FAR2: variants seen among roughly 807,000 people sequenced by gnomAD.
The protein encoded by FAR2 is fatty acyl-CoA reductase 2, also known as epididymis secretory protein Li 81.
Under a neutral mutation model 56.0 loss-of-function variants are expected in FAR2, and 19 were observed. That is an observed-to-expected ratio of 0.34 (90% confidence interval 0.24 to 0.50). The LOEUF is 0.50. Among genes scored for constraint, FAR2 ranks in the 20% least tolerant of loss-of-function variants. The pLI is 0.98. For synonymous variants in FAR2, 219 were observed against 218.8 expected (o/e 1.00, Z -0.01); for missense variants, 508 against 642.2 (o/e 0.79, Z 2.26).
chr12:29,333,355 A>C, intron 11 of FAR2: 1 of 358,346 alleles, frequency 2.8e-6, no homozygotes, highest in Admixed American at 4.4e-5. Context: ...TAACATGACC[A>C]AAGTATATTT....
At chr12:29,149,993 C>CG (rs1448954792) in intron 1 of FAR2, among the ~76,000 whole-genome samples, 1 of 152,176 alleles carries the variant, frequency 6.6e-6, no homozygotes, top group Non-Finnish European at 1.5e-5. Flanking sequence ...TGGGCCTCGC[C>CG]GGGGTCGTGG....
At chr12:29,232,821 G>GCGCACACACACACACACA (rs71444325) in intron 1 of FAR2, among the ~76,000 whole-genome samples, 9 of 145,856 alleles carry the variant, frequency 6.2e-5, no homozygotes, top group African/African-American at 2.3e-4. Context: ...ACGCGCTCGC[G>GCGCACACACACACACACA]CACACACACA....
At chr12:29,217,984 AGAGGAGGAG>A (rs143213052) in intron 1 of FAR2, among the ~76,000 whole-genome samples, 1 of 151,298 alleles carries the variant, frequency 6.6e-6, no homozygotes, top group Non-Finnish European at 1.5e-5. Context: ...AAGAAGACAA[AGAGGAGGAG>A]GAGGAGGAGG....
At chr12:29,218,926 C>G (rs1237846875) in intron 1 of FAR2, among the ~76,000 whole-genome samples, 1 of 152,078 alleles carries the variant, frequency 6.6e-6, no homozygotes, top group Non-Finnish European at 1.5e-5. Flanking sequence ...GGGTCTTGCT[C>G]TGTCGCCCAG....
At position 29,221,152 on chromosome 12, in the gene FAR2, C is replaced by G. The variant is rs865845412; in HGVS notation, c.-38-49260C>G. Among the ~76,000 whole-genome samples, 898 of 152,214 alleles carry G rather than the reference C, an allele frequency of 5.9e-3. 9 individuals are homozygous for G. The highest frequency in any genetic ancestry group is 0.021 in the African/African-American group (855 of 41,528). On this transcript the variant is annotated intron_variant, in intron 1 of 11. Transcript: ENST00000536681. Reference sequence around the variant, plus strand: ...TAAGGTCATATACCCGTAAAATCAGCCGCTTTACCTCTTAGTGCGCATGCT... The same window carrying G: ...TAAGGTCATATACCCGTAAAATCAGGCGCTTTACCTCTTAGTGCGCATGCT...
chr12:29,217,984 AGAGGAG>A (rs143213052), intron 1 of FAR2, among the ~76,000 whole-genome samples: 6 of 151,298 alleles, frequency 4.0e-5, no homozygotes, highest in Non-Finnish European at 5.9e-5. Context: ...AAGAAGACAA[AGAGGAG>A]GAGGAGGAGG....
chr12:29,282,900 T>C (rs1948809528), intron 2 of FAR2, among the ~76,000 whole-genome samples: 2 of 152,162 alleles, frequency 1.3e-5, no homozygotes, highest in South Asian at 4.1e-4. Flanking sequence ...TTCTTTCTTA[T>C]TACTAAGTTT....
At chr12:29,181,066 A>G (rs1949987505) in intron 1 of FAR2, among the ~76,000 whole-genome samples, 1 of 152,134 alleles carries the variant, frequency 6.6e-6, no homozygotes, top group African/African-American at 2.4e-5. Flanking sequence ...ACTTATCTGC[A>G]AAATATAGAA....
intron 2 of FAR2, among the ~76,000 whole-genome samples, chr12:29,291,054 G>A (rs1201942419): frequency 6.6e-6 from 1 of 152,130 alleles, no homozygotes; most frequent in Non-Finnish European, 1.5e-5. Flanking sequence ...CCTTCTCCAT[G>A]ATGTGCTTAT....
At chr12:29,299,330 A>G (rs1361004767) in intron 4 of FAR2, among the ~76,000 whole-genome samples, 2 of 152,058 alleles carry the variant, frequency 1.3e-5, no homozygotes, top group African/African-American at 4.8e-5. Flanking sequence ...ATATCCAGAC[A>G]CTAAATACCC....
chr12:29,181,340 G>T (rs535286722), intron 1 of FAR2, among the ~76,000 whole-genome samples: 80 of 152,256 alleles, frequency 5.3e-4, no homozygotes, highest in African/African-American at 1.9e-3. Flanking sequence ...TAAGAATTAA[G>T]AAGATTTTTG....
chr12:29,268,003 T>A (rs1426728500), intron 1 of FAR2, among the ~76,000 whole-genome samples: 3 of 152,220 alleles, frequency 2.0e-5, no homozygotes, highest in African/African-American at 4.8e-5. Flanking sequence ...GAGTCTGGAA[T>A]GGTAGGTGCT....
chr12:29,181,560 A>G (rs1496212), intron 1 of FAR2, among the ~76,000 whole-genome samples: 99,705 of 147,158 alleles, frequency 0.68, 34,445 homozygotes, highest in Non-Finnish European at 0.78. Flanking sequence ...TTCACAGAGA[A>G]GATGCAAGAC....
intron 1 of FAR2, among the ~76,000 whole-genome samples, chr12:29,228,546 T>C (rs778304417): frequency 6.6e-6 from 1 of 152,016 alleles, no homozygotes. Flanking sequence ...AGTACAGATG[T>C]CCCTTACTGA....
intron 4 of FAR2, among the ~76,000 whole-genome samples, chr12:29,297,678 T>C (rs1949093609): frequency 6.6e-6 from 1 of 151,846 alleles, no homozygotes; most frequent in Admixed American, 6.6e-5. Flanking sequence ...AGTTGTGAGG[T>C]TGAAAAAAGT....
At chr12:29,257,814 C>T (rs1286964125) in intron 1 of FAR2, among the ~76,000 whole-genome samples, 1 of 152,158 alleles carries the variant, frequency 6.6e-6, no homozygotes, top group African/African-American at 2.4e-5. Context: ...CCTTTAAGAA[C>T]TGTAACACTC....
rs138540837 is a variant in FAR2, at chr12:29,168,594, C to T, written c.-39+19187C>T. Among the ~76,000 whole-genome samples the T allele has an allele frequency of 2.2e-3, 336 of 152,274 alleles. 2 individuals carry two copies. Among genetic ancestry groups the T allele is most frequent in the South Asian group, 6.8e-3 (33 of 4,820 alleles). On this transcript the variant is annotated intron_variant, in intron 1 of 11. Transcript: ENST00000536681. The stretch of plus-strand genomic sequence containing the variant: ...TCAAGAATGAAGCCGCGGACCTTCG[C>T]GGTGAGTGTTACAGCTCTTAAGGAT...
intron 1 of FAR2, among the ~76,000 whole-genome samples, chr12:29,184,932 G>C (rs1015428011): frequency 2.0e-4 from 30 of 152,236 alleles, no homozygotes; most frequent in African/African-American, 5.3e-4. Context: ...GATGACCTAA[G>C]TTCAAGTTCT....
At chr12:29,292,583 C>T (rs995478441) in intron 2 of FAR2, among the ~76,000 whole-genome samples, 1 of 151,878 alleles carries the variant, frequency 6.6e-6, no homozygotes, top group South Asian at 2.1e-4. Flanking sequence ...GAGATGTACC[C>T]CAGGGTGTTT....
Sources: gnomAD v4.1 joint callset for allele counts (sites outside exome capture counted in the v4.1 genomes callset) on GRCh38, gnomAD v4.1.1 for gene constraint, MANE v1.5 for transcripts, NCBI Gene and HGNC (gene_info 2026-07-23, HGNC 2026-07-21) for gene names.